The following CELF2 variants were observed in gnomAD, a reference collection of about 807,000 sequenced individuals.
The protein encoded by CELF2 is CUGBP Elav-like family member 2.
A neutral mutation model predicts 62.6 loss-of-function variants in CELF2; 8 were observed. The ratio of observed to expected loss-of-function variants is 0.13; its 90% CI spans 0.07 to 0.23. The LOEUF is 0.23. CELF2 is among the 10% of genes least tolerant of loss of function. The pLI, the probability that CELF2 is intolerant of heterozygous loss-of-function variation, is 1.00. For synonymous variants in CELF2, 258 were observed against 250.0 expected (o/e 1.03, Z -0.30); for missense variants, 333 against 671.0 (o/e 0.50, Z 5.56).
At chr10:11,197,058 A>AAAGAAAGAAAGAAAGG (rs1250421470) in intron 2 of CELF2, among the ~76,000 whole-genome samples, 2 of 71,932 alleles carry the variant, frequency 2.8e-5, no homozygotes, top group South Asian at 1.4e-3. Flanking sequence ...AGAAAGAAAG[A>AAAGAAAGAAAGAAAGG]AAAGAAAGAA....
Position 11,157,335 on chromosome 10 carries a change from C to T in CELF2, c.75-8151C>T, listed in dbSNP as rs1456362050. On this transcript the variant is annotated intron_variant, in intron 1 of 12. Transcript: ENST00000633077. The surrounding 1 kb of genome is among the most constrained non-coding windows in gnomAD (Gnocchi z 4.9). ...TTTTTGTTTCGTTTCAATGCCATTG[C>T]CAACTAGGTGAAATGGTATAGCCTG... 6.6e-6 allele frequency among the ~76,000 whole-genome samples: 1 copy of T among 152,042 alleles called. No individual in the cohort carries two copies.
chr10:11,181,757 A>G (rs1362271756), intron 2 of CELF2, among the ~76,000 whole-genome samples: 1 of 152,234 alleles, frequency 6.6e-6, no homozygotes, highest in East Asian at 1.9e-4. Context: ...GTCCATTGGT[A>G]TACATTATAG....
chr10:10,657,882 T>C, the CELF2 span, among the ~76,000 whole-genome samples: 1 of 152,220 alleles, frequency 6.6e-6, no homozygotes, highest in Non-Finnish European at 1.5e-5. Context: ...AAGAAGTACA[T>C]GTATCCAGAA....
intron 2 of CELF2, among the ~76,000 whole-genome samples, chr10:11,170,908 G>C (rs1338383384): frequency 6.6e-6 from 1 of 152,130 alleles, no homozygotes; most frequent in African/African-American, 2.4e-5. Context: ...AAACTTAAAT[G>C]GTTAGGTACT....
rs771969830 is a variant in CELF2, at chr10:11,336,250, T to G, written c.*7197T>G. 6.5e-6 allele frequency: 1 copy of G among 152,698 alleles called. No homozygotes were observed. The highest frequency in any genetic ancestry group is 1.5e-5 in the Non-Finnish European group (1 of 68,060). The allele number at this position is 152,698 out of a possible 1,614,324, so 9.5% of individuals were successfully genotyped here. On this transcript the variant is annotated 3_prime_UTR_variant, in exon 13 of 13. Coordinates refer to ENST00000633077, the MANE Select transcript of CELF2 (RefSeq NM_001326342.2). This position sits in a 1 kb window ranked among gnomAD's most constrained non-coding sequence, Gnocchi z 5.4. ...ACCAAACAATCAGCTTATTCACTTA[T>G]CAGGAATCGACTGTTCTGCTAATTT...
chr10:10,906,737 T>TG (rs5783185), intron 1 of CELF2, among the ~76,000 whole-genome samples: 2 of 147,326 alleles, frequency 1.4e-5, no homozygotes, highest in African/African-American at 5.0e-5. Flanking sequence ...TTTTTTTTTT[T>TG]GAAACGGAGT....
chr10:10,862,033 T>C (rs2060071368), intron 1 of CELF2, among the ~76,000 whole-genome samples: 1 of 152,222 alleles, frequency 6.6e-6, no homozygotes, highest in Non-Finnish European at 1.5e-5. Context: ...AATCTAGCTC[T>C]TCATATTAAC....
At chr10:10,926,320 C>A (rs1316661420) in intron 2 of CELF2, among the ~76,000 whole-genome samples, 1 of 152,166 alleles carries the variant, frequency 6.6e-6, no homozygotes, top group Non-Finnish European at 1.5e-5. Context: ...GGCAGATTCA[C>A]TCCTTTTCTC....
rs2063755056 is a variant in CELF2 at position 11,217,918 on chromosome 10, G to T, written c.354+411G>T. ...AGATTTTCTTTTGAAAGGACAAAAT[G>T]TACCCTTTACAGCCATAATATTAAG... On this transcript the variant is annotated intron_variant, in intron 3 of 12. Coordinates refer to ENST00000633077, the MANE Select transcript of CELF2 (RefSeq NM_001326342.2). The surrounding 1 kb of genome is among the most constrained non-coding windows in gnomAD (Gnocchi z 5.6). 6.6e-6 allele frequency among the ~76,000 whole-genome samples: 1 copy of T among 152,182 alleles called. No homozygotes were observed. The highest frequency in any genetic ancestry group is 2.1e-4 in the South Asian group (1 of 4,830).
At chr10:11,093,505 T>A (rs1033680533) in intron 1 of CELF2, among the ~76,000 whole-genome samples, 9 of 152,196 alleles carry the variant, frequency 5.9e-5, no homozygotes, top group Non-Finnish European at 8.8e-5. Flanking sequence ...CCTAATCAAA[T>A]CAATAGCCCT....
chr10:10,874,041 C>A (rs540837230), intron 1 of CELF2, among the ~76,000 whole-genome samples: 1 of 152,162 alleles, frequency 6.6e-6, no homozygotes, highest in Non-Finnish European at 1.5e-5. Context: ...CCAGGTACAG[C>A]GGCTCATGCC....
chr10:10,729,995 G>T, the CELF2 span, among the ~76,000 whole-genome samples: 1 of 152,190 alleles, frequency 6.6e-6, no homozygotes, highest in African/African-American at 2.4e-5. Context: ...ATTCTCTTCA[G>T]TTTTCAATGC....
rs114477940 is a variant in CELF2 at position 10,870,671 on chromosome 10, T to G, written c.54-49293T>G. ...AATTAGTAAATTCTCTGGTTACACA[T>G]TCTTGAGTTTCTTCTTATTTCCATT... On this transcript the variant is annotated intron_variant, in intron 1 of 13. Transcript: ENST00000636488. Among the ~76,000 whole-genome samples, 58 of 152,312 alleles carry G rather than the reference T, an allele frequency of 3.8e-4. 2 individuals carry two copies. Among genetic ancestry groups the G allele is most frequent in the African/African-American group, 1.3e-3 (56 of 41,562 alleles).
the CELF2 span, among the ~76,000 whole-genome samples, chr10:10,531,195 T>C: frequency 8.3e-3 from 1,265 of 152,338 alleles, 76 homozygotes; most frequent in Admixed American, 0.076. Context: ...TAAACTGATA[T>C]TCCTTTAAAA....
At chr10:10,930,398 T>C (rs1656680749) in intron 2 of CELF2, among the ~76,000 whole-genome samples, 1 of 152,230 alleles carries the variant, frequency 6.6e-6, no homozygotes, top group South Asian at 2.1e-4. Context: ...TTATCTGCTC[T>C]GTAATTCAAA....
intron 3 of CELF2, among the ~76,000 whole-genome samples, chr10:11,232,099 G>C (rs1025092404): frequency 6.6e-6 from 1 of 151,826 alleles, no homozygotes. Context: ...CCATTAACTC[G>C]TCAGTTAACA....
intron 1 of CELF2, among the ~76,000 whole-genome samples, chr10:10,810,949 C>T (rs2055812745): frequency 6.6e-6 from 1 of 152,224 alleles, no homozygotes; most frequent in Non-Finnish European, 1.5e-5. Flanking sequence ...GGAAGAAACA[C>T]TTGCAACCCA....
chr10:11,114,346 C>G (rs1224036459), intron 1 of CELF2, among the ~76,000 whole-genome samples: 1 of 152,126 alleles, frequency 6.6e-6, no homozygotes, highest in African/African-American at 2.4e-5. Context: ...TGCCAGTACA[C>G]AACAAATGTG....
the CELF2 span, among the ~76,000 whole-genome samples, chr10:10,700,311 T>C: frequency 1.3e-5 from 2 of 152,326 alleles, no homozygotes; most frequent in Non-Finnish European, 2.9e-5. Context: ...GTTCACAGAC[T>C]CTGTTGTTCA....
Sources: allele counts gnomAD v4.1 joint callset (sites outside exome capture counted in the v4.1 genomes callset), GRCh38; gene constraint gnomAD v4.1.1; non-coding constraint Gnocchi (gnomAD v3.1); transcripts MANE v1.5; gene names NCBI Gene and HGNC (gene_info 2026-07-23, HGNC 2026-07-21).